Variants in ENTPD1 observed in about 807,000 individuals in gnomAD.
The protein encoded by ENTPD1 is ATP diphosphohydrolase.
In ENTPD1, 33 loss-of-function variants were observed where a neutral mutation model predicts 57.0. That is an observed-to-expected ratio of 0.58 (90% CI 0.44 to 0.77). The LOEUF is 0.77. ENTPD1 is among the 30% of genes least tolerant of loss of function. The pLI, the probability that ENTPD1 is intolerant of heterozygous loss-of-function variation, is 0.00. For missense variants in ENTPD1, 501 were observed against 603.4 expected (o/e 0.83, Z 1.78); for synonymous variants, 202 against 218.8 (o/e 0.92, Z 0.68).
At chr10:95,855,382 CTT>C (rs1226593632) in intron 7 of ENTPD1, among the ~76,000 whole-genome samples, 9 of 151,700 alleles carry the variant, frequency 5.9e-5, no homozygotes, top group Admixed American at 3.9e-4. Flanking sequence ...GGTCTTGACT[CTT>C]TATCCAATTT....
Position 95,756,164 on chromosome 10 carries a change from C to T in ENTPD1, c.-76C>T, listed in dbSNP as rs888064868. On this transcript the variant is annotated 5_prime_UTR_variant, in exon 1 of 10. It adds an upstream start codon to the 5' untranslated region. Coordinates refer to ENST00000371205, the MANE Select transcript of ENTPD1 (RefSeq NM_001776.6). The stretch of plus-strand genomic sequence containing the variant: ...TCTGTTTCCTTGAGGACCTCTCTCA[C>T]GGAGACGGACCACAGCAAGCAGAGG... 4.5e-6 allele frequency: 7 copies of T among 1,560,396 alleles called. No homozygotes were observed. In the African/African-American group the frequency reaches 8.2e-5, roughly 18 times the overall value.
chr10:95,710,876 A>C (rs1379462857), upstream of ENTPD1, among the ~76,000 whole-genome samples: 1 of 152,142 alleles, frequency 6.6e-6, no homozygotes, highest in Non-Finnish European at 1.5e-5. Flanking sequence ...CAGAGCCCCA[A>C]CTTTTTACTG....
At position 95,807,937 on chromosome 10, in the gene ENTPD1, C is replaced by G. The variant is rs1362239024; in HGVS notation, c.17-15300C>G. ...CCTTCTCTTGCCTGATTGCCCTAAC[C>G]AGGACATCCAATACTATGTTAAATA... On this transcript the variant is annotated intron_variant, in intron 1 of 9. Transcript: ENST00000371205. Among the ~76,000 whole-genome samples, 3 of 152,258 alleles carry G rather than the reference C, an allele frequency of 2.0e-5. No homozygotes were observed. The East Asian group carries it at 5.8e-4, about 29-fold the overall frequency.
At chr10:95,831,448 CT>C (rs1480089019) in intron 2 of ENTPD1, among the ~76,000 whole-genome samples, 1 of 152,232 alleles carries the variant, frequency 6.6e-6, no homozygotes, top group East Asian at 1.9e-4. Context: ...TGCTTCTTCT[CT>C]TGTAAGATTA....
Position 95,868,965 on chromosome 10 carries a change from AG to A in ENTPD1, c.*2584del. ...ACAACCTAACCCCAATTATTTTGGC[AG>A]GAAGGTTGGTTTAGAGGCAGATCCA... On this transcript the variant is annotated 3_prime_UTR_variant, in exon 10 of 10. Transcript: ENST00000371205. 1 of 985,362 alleles carries A rather than the reference AG, an allele frequency of 1.0e-6. No homozygotes were observed. The highest frequency in any genetic ancestry group is 1.2e-6 in the Non-Finnish European group (1 of 829,922). 61.0% of individuals were successfully genotyped at this position (985,362 alleles called of 1,614,324 possible).
exon 1 of ENTPD1, chr10:95,711,861 A>C (rs2097965854): frequency 6.3e-7 from 1 of 1,577,658 alleles, no homozygotes; most frequent in Non-Finnish European, 8.7e-7. Context: ...ATTGTCAGTG[A>C]AACTTCAGAG....
At chr10:95,725,950 T>G (rs1047961562) in intron 1 of ENTPD1, among the ~76,000 whole-genome samples, 2 of 152,242 alleles carry the variant, frequency 1.3e-5, no homozygotes, top group South Asian at 4.1e-4. Context: ...TCTTCCCACC[T>G]TGGGTTGAGC....
At chr10:95,860,260 A>C (rs964962849) in intron 7 of ENTPD1, among the ~76,000 whole-genome samples, 1 of 152,204 alleles carries the variant, frequency 6.6e-6, no homozygotes, top group African/African-American at 2.4e-5. Flanking sequence ...GGAGAAAAGT[A>C]ACTGCCAGGT....
chr10:95,737,472 C>G (rs2097995887), intron 1 of ENTPD1, among the ~76,000 whole-genome samples: 1 of 151,802 alleles, frequency 6.6e-6, no homozygotes, highest in Admixed American at 6.6e-5. Context: ...GCAAACTCTG[C>G]TTCCTGGGTT....
chr10:95,711,650 G>A (rs535995094), upstream of ENTPD1: 8 of 354,078 alleles, frequency 2.3e-5, no homozygotes, highest in Non-Finnish European at 4.3e-5. Flanking sequence ...ATCTTGCTTT[G>A]TTCCTAAGGC....
In ENTPD1 at chr10:95,866,639, A is replaced by T. The variant is rs771015102; in HGVS notation, c.*256A>T. ...TTTCTCCTTTGTACTTTGTGCTTGTATAGGTTTTAAAGACCTGACACCTTT... is the reference window on the plus strand; with the variant it reads ...TTTCTCCTTTGTACTTTGTGCTTGTTTAGGTTTTAAAGACCTGACACCTTT... On this transcript the variant is annotated 3_prime_UTR_variant, in exon 10 of 10. Coordinates refer to ENST00000371205, the MANE Select transcript of ENTPD1 (RefSeq NM_001776.6). 1 of 1,325,266 alleles carries T rather than the reference A, an allele frequency of 7.5e-7. No homozygotes were observed. The highest frequency in any genetic ancestry group is 9.7e-7 in the Non-Finnish European group (1 of 1,032,142). The allele number at this position is 1,325,266 out of a possible 1,614,324, so 82.1% of individuals were successfully genotyped here.
At chr10:95,776,086 A>G (rs1301425251) in intron 1 of ENTPD1, among the ~76,000 whole-genome samples, 1 of 151,688 alleles carries the variant, frequency 6.6e-6, no homozygotes, top group Non-Finnish European at 1.5e-5. Context: ...GGTCTTGACT[A>G]TATCCAATTT....
intron 1 of ENTPD1, among the ~76,000 whole-genome samples, chr10:95,799,782 C>T (rs1335687753): frequency 6.6e-6 from 1 of 152,178 alleles, no homozygotes; most frequent in Non-Finnish European, 1.5e-5. Context: ...TTTTTCTCCA[C>T]AACCTTGCCA....
intron 1 of ENTPD1, 68 bp from the exon 2 acceptor site, chr10:95,823,169 A>G: frequency 6.2e-7 from 1 of 1,603,076 alleles, no homozygotes; most frequent in Non-Finnish European, 8.5e-7. Flanking sequence ...AAGACCAGAC[A>G]GAAAGGGGAG....
rs557588142 is a variant in ENTPD1, at chr10:95,791,870, AT to A, written c.17-31358del. Among the ~76,000 whole-genome samples the A allele has an allele frequency of 6.6e-6, 1 of 151,546 alleles. No homozygotes were observed. Among genetic ancestry groups the A allele is most frequent in the Non-Finnish European group, 1.5e-5 (1 of 67,836 alleles). ...CTCTAAGGATCCTTTCAACTTTGAG[AT>A]TTTTTTTTGGTTTGAAAAAGAGAAA... On this transcript the variant is annotated intron_variant, in intron 1 of 9. Transcript: ENST00000371205. The surrounding 1 kb of genome is among the most constrained non-coding windows in gnomAD (Gnocchi z 4.1).
chr10:95,823,700 ACTT>A (rs1185607233), intron 2 of ENTPD1, among the ~76,000 whole-genome samples: 1 of 152,128 alleles, frequency 6.6e-6, no homozygotes, highest in African/African-American at 2.4e-5. Context: ...GTATATTTCC[ACTT>A]CTTCATCATG....
intron 1 of ENTPD1, among the ~76,000 whole-genome samples, chr10:95,813,602 G>A (rs1017770049): frequency 6.6e-6 from 1 of 152,158 alleles, no homozygotes; most frequent in East Asian, 1.9e-4. Context: ...TAGCAAGGGA[G>A]AGGGTCTGAG....
intron 1 of ENTPD1, among the ~76,000 whole-genome samples, chr10:95,768,162 G>A (rs1470238195): frequency 1.3e-5 from 2 of 152,172 alleles, no homozygotes; most frequent in African/African-American, 2.4e-5. Context: ...CAGAAGTTGA[G>A]GACAACTGTT....
chr10:95,716,293 T>C (rs1056597233), intron 1 of ENTPD1, among the ~76,000 whole-genome samples: 3 of 152,234 alleles, frequency 2.0e-5, no homozygotes, highest in East Asian at 1.9e-4. Flanking sequence ...TGATAAGATA[T>C]GGCAACTTTG....
Sources: allele counts gnomAD v4.1 joint callset (sites outside exome capture counted in the v4.1 genomes callset), GRCh38; gene constraint gnomAD v4.1.1; non-coding constraint Gnocchi (gnomAD v3.1); transcripts MANE v1.5; gene names NCBI Gene and HGNC (gene_info 2026-07-23, HGNC 2026-07-21).